Variants in MRPL52 observed in about 807,000 individuals in gnomAD.
MRPL52 encodes mitochondrial ribosomal protein L52.
Under a neutral mutation model 22.1 loss-of-function variants are expected in MRPL52, and 19 were observed. That is an observed-to-expected ratio of 0.86 (90% CI 0.60 to 1.26). The LOEUF is 1.26. Ranked by LOEUF, MRPL52 falls within the 50% of genes most tolerant of loss-of-function variation. MRPL52 has a pLI of 0.00. For missense variants in MRPL52, 152 were observed against 148.1 expected, an observed-to-expected ratio of 1.03 and a Z score of -0.14; for synonymous variants, 50 against 57.5, an observed-to-expected ratio of 0.87 and a Z score of 0.59.
Position 22,830,208 on chromosome 14 carries a change from C to G in MRPL52, c.108C>G (p.Pro36=), listed in dbSNP as rs774509226. ...ACAGGCAGGGACTGGCTGCCAACCC[C>G]TCCGGCTACGGGCCCCTTACCGAGC... ...WRLQQGLAAN[P]SGYGPLTELP... Residue 36 remains proline, a synonymous_variant, in exon 3 of 5, where the codon CCC becomes CCG. Transcript: ENST00000397496. 6.2e-7 allele frequency: 1 copy of G among 1,614,246 alleles called. No individual in the cohort carries two copies. The highest frequency in any genetic ancestry group is 1.1e-5 in the South Asian group (1 of 91,086).
intron 3 of MRPL52, 122 bp from the exon 4 acceptor site, chr14:22,833,296 A>G (rs1211706287): frequency 1.6e-5 from 11 of 687,906 alleles, no homozygotes; most frequent in South Asian, 6.8e-5. Flanking sequence ...TTAAGCTACA[A>G]TGTATATGAA....
chr14:22,831,233 C>G, intron 3 of MRPL52: 1 of 506,534 alleles, frequency 2.0e-6, no homozygotes, highest in South Asian at 2.7e-5. Context: ...CCACCTCAGC[C>G]CCCCAAGTAG....
Position 22,834,356 on chromosome 14 carries a change from C to G in MRPL52, c.*35C>G. On this transcript the variant is annotated 3_prime_UTR_variant, in exon 5 of 5. Transcript: ENST00000397496. The stretch of plus-strand genomic sequence containing the variant: ...CCTGCCTCCCTTCCTCACCCTGTCT[C>G]TGGATTTCTTTTCTATCACCTAGAT... 6.3e-7 allele frequency: 1 copy of G among 1,584,436 alleles called. No individual in the cohort carries two copies. Among genetic ancestry groups the G allele is most frequent in the Non-Finnish European group, 8.6e-7 (1 of 1,167,672 alleles).
chr14:22,833,980 A>G (rs1366099314), intron 4 of MRPL52, among the ~76,000 whole-genome samples, 192 bp from the exon 5 acceptor site: 2 of 152,238 alleles, frequency 1.3e-5, no homozygotes, highest in Non-Finnish European at 2.9e-5. Context: ...CACTCCCAGG[A>G]CAGGAACCAG....
chr14:22,830,613 A>C, intron 3 of MRPL52: 1 of 392,990 alleles, frequency 2.5e-6, no homozygotes. Flanking sequence ...TTGGTACCAA[A>C]TGCAGGGAGA....
rs534775841 is a variant in MRPL52, at chr14:22,833,634, T to G, written c.219+152T>G. 468 of 621,404 alleles carry G rather than the reference T, an allele frequency of 7.5e-4. No homozygotes were observed. The African/African-American group carries it at 7.8e-3, about 10-fold the overall frequency. The allele number at this position is 621,404 out of a possible 1,614,324, so 38.5% of individuals were successfully genotyped here. On this transcript the variant is annotated intron_variant, in intron 4 of 4. Transcript: ENST00000397496. ...AAGGTTTTTTTTGTTTTTGTTTTTG[T>G]TTTTTGTGAGACGGAGTTTCGCTCT... is the stretch of plus-strand genomic sequence containing the variant.
chr14:22,830,249 A>G lies in MRPL52; in HGVS notation c.149A>G (p.Tyr50Cys). The change falls in exon 3 of 5, where the codon TAT becomes TGT. Residue 50 changes from tyrosine (Y) to cysteine (C), a missense_variant. Coordinates refer to ENST00000397496, the MANE Select transcript of MRPL52 (RefSeq NM_180982.3). ...GPLTELPDWS[Y>C]ADGRPAPPMK... ...CTTACCGAGCTCCCAGACTGGTCAT[A>G]TGCGGGTAAGCGCTGATCTGGCAGT... 6.2e-7 allele frequency: 1 copy of G among 1,614,268 alleles called. No individual in the cohort carries two copies. Among genetic ancestry groups the G allele is most frequent in the Non-Finnish European group, 8.5e-7 (1 of 1,180,034 alleles).
Position 22,829,948 on chromosome 14 carries a change from G to C in MRPL52, c.28+8G>C, listed in dbSNP as rs367704642. 6.2e-7 allele frequency: 1 copy of C among 1,610,214 alleles called. No homozygotes were observed. On this transcript the variant is annotated splice_region_variant and intron_variant, in intron 1 of 4. Transcript: ENST00000397496. ...TAGGGACTGTTCTCTTCAGTGAGTG[G>C]GTATAGATAGGGACCGTGGACTCGG...
chr14:22,833,742 C>T (rs758502584), intron 4 of MRPL52, among the ~76,000 whole-genome samples: 3 of 152,220 alleles, frequency 2.0e-5, no homozygotes, highest in Non-Finnish European at 4.4e-5. Flanking sequence ...CAGCCTCAGC[C>T]TCCTGAGTAG....
intron 3 of MRPL52, 165 bp downstream of exon 3, chr14:22,830,419 A>G: frequency 1.5e-6 from 1 of 680,812 alleles, no homozygotes; most frequent in Non-Finnish European, 2.5e-6. Flanking sequence ...TATTTTGTAG[A>G]TTGCATTTCG....
intron 3 of MRPL52, chr14:22,832,059 G>GAGGTAGCT (rs1489692988): frequency 2.0e-5 from 3 of 152,134 alleles, no homozygotes; most frequent in African/African-American, 7.2e-5. Context: ...AAAAGGACCT[G>GAGGTAGCT]AGGTAGCTAA....
intron 4 of MRPL52, among the ~76,000 whole-genome samples, 179 bp downstream of exon 4, chr14:22,833,661 G>A (rs577897290): frequency 6.6e-6 from 1 of 152,222 alleles, no homozygotes; most frequent in Admixed American, 6.5e-5. Flanking sequence ...TTTCGCTCTT[G>A]ATGCCCAGGC....
chr14:22,833,661 G>C (rs577897290), intron 4 of MRPL52, among the ~76,000 whole-genome samples, 179 bp downstream of exon 4: 1 of 152,104 alleles, frequency 6.6e-6, no homozygotes, highest in African/African-American at 2.4e-5. Flanking sequence ...TTTCGCTCTT[G>C]ATGCCCAGGC....
chr14:22,833,521 A>G (rs1469204783), intron 4 of MRPL52, 39 bp downstream of exon 4: 1 of 1,456,126 alleles, frequency 6.9e-7, no homozygotes, highest in South Asian at 1.1e-5. Flanking sequence ...ACCTGGAAGG[A>G]GAACATTTAA....
Position 22,833,328 on chromosome 14 carries a change from T to C in MRPL52, c.155-90T>C, listed in dbSNP as rs2039664333. 10 of 801,474 alleles carry C rather than the reference T, an allele frequency of 1.2e-5. No homozygotes were observed. The South Asian group carries it at 1.3e-4, about 10-fold the overall frequency. The allele number at this position is 801,474 out of a possible 1,614,324, so 49.6% of individuals were successfully genotyped here. A position where few individuals can be genotyped will look rare whatever the true frequency, so the allele number is the denominator to read the frequency against. On this transcript the variant is annotated intron_variant, in intron 3 of 4. Transcript: ENST00000397496. ...TGAAATGGAAGAGAGGAGCTAGAGA[T>C]TGGTTCTTCCCTTATTCCTATCACA... is the stretch of plus-strand genomic sequence containing the variant.
intron 3 of MRPL52, 94 bp downstream of exon 3, chr14:22,830,348 G>A (rs1025019884): frequency 7.8e-6 from 10 of 1,275,908 alleles, no homozygotes; most frequent in Non-Finnish European, 1.0e-5. Flanking sequence ...AGGTGGGGGC[G>A]TGTAAAAGTG....
At position 22,834,336 on chromosome 14, in the gene MRPL52, C is replaced by G. The variant is rs1158596623; in HGVS notation, c.*15C>G. ...CAAGTCAATAAAAAGCAACTCCTGC[C>G]TCCCTTCCTCACCCTGTCTCTGGAT... On this transcript the variant is annotated 3_prime_UTR_variant, in exon 5 of 5. Transcript: ENST00000397496. 1.9e-6 allele frequency: 3 copies of G among 1,604,744 alleles called. No homozygotes were observed. The highest frequency in any genetic ancestry group is 2.5e-6 in the Non-Finnish European group (3 of 1,176,510).
intron 3 of MRPL52, 105 bp from the exon 4 acceptor site, chr14:22,833,311 AAG>A (rs1231856452): frequency 1.4e-6 from 1 of 735,404 alleles, no homozygotes; most frequent in Non-Finnish European, 2.5e-6. Context: ...TATGAAATGG[AAG>A]AGAGGAGCTA....
Position 22,834,452 on chromosome 14 carries a change from G to A in MRPL52, c.*131G>A. 9.5e-7 allele frequency: 1 copy of A among 1,053,582 alleles called. No individual in the cohort carries two copies. 65.3% of individuals were successfully genotyped at this position (1,053,582 alleles called of 1,614,324 possible). ...CAGAGAAAAAGAGCTGGGACACCAA[G>A]AACAAGCTGTTAGATCACTGCCTGG... On this transcript the variant is annotated 3_prime_UTR_variant, in exon 5 of 5. Coordinates refer to ENST00000397496, the MANE Select transcript of MRPL52 (RefSeq NM_180982.3).
Sources: gnomAD v4.1 joint callset for allele counts (sites outside exome capture counted in the v4.1 genomes callset) on GRCh38, gnomAD v4.1.1 for gene constraint, MANE v1.5 for transcripts, NCBI Gene and HGNC (gene_info 2026-07-23, HGNC 2026-07-21) for gene names.